The following CAP2 variants were observed in gnomAD, a reference collection of about 807,000 sequenced individuals.
CAP2 encodes adenylyl cyclase-associated protein 2.
Under a neutral mutation model 57.7 loss-of-function variants are expected in CAP2, and 24 were observed. That is an observed-to-expected ratio of 0.42 (90% CI 0.30 to 0.58). The LOEUF is 0.58. Among genes scored for constraint, CAP2 ranks in the 20% least tolerant of loss-of-function variants. The pLI is 0.22. For synonymous variants in CAP2, 194 were observed against 207.2 expected (o/e 0.94, Z 0.55); for missense variants, 501 against 590.3 (o/e 0.85, Z 1.57).
chr6:17,470,126 G>A (rs1053814943), intron 4 of CAP2, among the ~76,000 whole-genome samples: 2 of 152,110 alleles, frequency 1.3e-5, no homozygotes, highest in African/African-American at 2.4e-5. Flanking sequence ...ATCCAAATGC[G>A]AGAAAAACGA....
At chr6:17,435,090 A>G (rs1759836623) in intron 3 of CAP2, among the ~76,000 whole-genome samples, 1 of 118,250 alleles carries the variant, frequency 8.5e-6, no homozygotes, top group Admixed American at 9.8e-5. Context: ...GTGGGACTGT[A>G]AACTAGTTCA....
intron 7 of CAP2, among the ~76,000 whole-genome samples, chr6:17,525,585 C>T (rs1224716056): frequency 6.6e-6 from 1 of 152,188 alleles, no homozygotes; most frequent in Non-Finnish European, 1.5e-5. Context: ...CTTATACTCT[C>T]CATTTCTTTT....
chr6:17,398,348 T>C (rs1055049843), intron 1 of CAP2, among the ~76,000 whole-genome samples: 12 of 152,134 alleles, frequency 7.9e-5, no homozygotes, highest in Non-Finnish European at 1.5e-5. Flanking sequence ...CTGATAACAA[T>C]GAGCCTTGGG....
chr6:17,498,702 C>A (rs1052154852), intron 4 of CAP2, among the ~76,000 whole-genome samples: 8 of 151,914 alleles, frequency 5.3e-5, no homozygotes, highest in Admixed American at 4.6e-4. Context: ...TCTAAAATAG[C>A]TTGTTTTATT....
chr6:17,474,351 G>A (rs564615887), intron 4 of CAP2, among the ~76,000 whole-genome samples: 4 of 151,658 alleles, frequency 2.6e-5, no homozygotes, highest in African/African-American at 9.7e-5. Context: ...TCAGGTTTTG[G>A]TTCATCCACT....
At position 17,410,572 on chromosome 6, in the gene CAP2, A is replaced by AT. The variant is rs778249461; in HGVS notation, c.-1-10968dup. The stretch of plus-strand genomic sequence containing the variant: ...AGAACAGCAAAGTTACTCAGATTTA[A>AT]TTTTTTTTTTTTTTTGAGACGGAGT... On this transcript the variant is annotated intron_variant, in intron 1 of 12. Transcript: ENST00000229922. Among the ~76,000 whole-genome samples the AT allele has an allele frequency of 3.7e-3, 532 of 143,850 alleles. 4 individuals carry two copies. Among genetic ancestry groups the AT allele is most frequent in the African/African-American group, 5.0e-3 (199 of 39,502 alleles). The allele number at this position is 143,850 out of a possible 152,430, so 94.4% of individuals were successfully genotyped here. A position where few individuals can be genotyped will look rare whatever the true frequency, so the allele number is the denominator to read the frequency against.
chr6:17,431,639 A>G (rs1285879639), intron 3 of CAP2, among the ~76,000 whole-genome samples: 3 of 152,196 alleles, frequency 2.0e-5, no homozygotes, highest in Non-Finnish European at 4.4e-5. Flanking sequence ...AAAGAGTGGC[A>G]AAATGAGAAG....
chr6:17,548,033 A>G (rs1763090955), intron 11 of CAP2, among the ~76,000 whole-genome samples: 2 of 152,082 alleles, frequency 1.3e-5, no homozygotes, highest in Admixed American at 1.3e-4. Context: ...TGAACATGCA[A>G]AAATCAATAG....
At chr6:17,403,708 T>C (rs1032232012) in intron 1 of CAP2, among the ~76,000 whole-genome samples, 2 of 152,120 alleles carry the variant, frequency 1.3e-5, no homozygotes, top group African/African-American at 4.8e-5. Context: ...ATAAAATATG[T>C]AAAATTAAGA....
intron 1 of CAP2, among the ~76,000 whole-genome samples, chr6:17,408,660 C>CT (rs35571407): frequency 0.08 from 9,644 of 120,380 alleles, 1,129 homozygotes; most frequent in African/African-American, 0.22. Flanking sequence ...TGATAGCCTC[C>CT]TTTTTTTTTT....
chr6:17,505,709 T>C (rs1370242303), intron 4 of CAP2, among the ~76,000 whole-genome samples: 2 of 152,172 alleles, frequency 1.3e-5, no homozygotes, highest in Admixed American at 1.3e-4. Context: ...TGCTGTTTCT[T>C]TGGAGCACAC....
chr6:17,474,869 C>T lies in CAP2; in HGVS notation c.300+11796C>T, dbSNP rs571045957. Among the ~76,000 whole-genome samples the T allele has an allele frequency of 3.9e-5, 6 of 152,138 alleles. No individual in the cohort carries two copies. In the East Asian group the frequency reaches 5.8e-4, roughly 15 times the overall value. On this transcript the variant is annotated intron_variant, in intron 4 of 12. Transcript: ENST00000229922. ...GCCAAGTTTGATGAGAAGAGAGGCT[C>T]GGGTTCCGAGTCACTTGTTTTGTTT...
chr6:17,417,156 A>G (rs1374800796), intron 1 of CAP2, among the ~76,000 whole-genome samples: 1 of 150,726 alleles, frequency 6.6e-6, no homozygotes, highest in African/African-American at 2.4e-5. Flanking sequence ...AAAAAAAAAA[A>G]TGACCCAAAA....
At position 17,556,484 on chromosome 6, in the gene CAP2, T is replaced by G. The variant is rs762850221; in HGVS notation, c.*42T>G. ...ACCCCCTCACCTGAATCCCCCTCTA[T>G]CAAACAAACAAAAAAGCAGCAGTAA... On this transcript the variant is annotated 3_prime_UTR_variant, in exon 13 of 13. Coordinates refer to ENST00000229922, the MANE Select transcript of CAP2 (RefSeq NM_006366.3). The G allele has an allele frequency of 5.1e-6, 7 of 1,381,302 alleles. No individual in the cohort carries two copies. Among genetic ancestry groups the G allele is most frequent in the Non-Finnish European group, 7.2e-6 (7 of 967,680 alleles). 85.6% of individuals were successfully genotyped at this position (1,381,302 alleles called of 1,614,324 possible).
intron 3 of CAP2, among the ~76,000 whole-genome samples, chr6:17,439,886 A>G (rs1402949277): frequency 6.6e-6 from 1 of 151,454 alleles, no homozygotes; most frequent in African/African-American, 2.4e-5. Context: ...CTAACAGGCC[A>G]TGGACCAGTA....
At chr6:17,491,702 G>A (rs1457885069) in intron 4 of CAP2, among the ~76,000 whole-genome samples, 1 of 152,180 alleles carries the variant, frequency 6.6e-6, no homozygotes, top group South Asian at 2.1e-4. Flanking sequence ...CCAAATCTCA[G>A]TTCTAGCCAG....
intron 7 of CAP2, chr6:17,531,330 T>G: frequency 8.0e-7 from 1 of 1,244,832 alleles, no homozygotes; most frequent in South Asian, 1.2e-5. Flanking sequence ...TTTCAGACCT[T>G]TGGGCTCACA....
intron 1 of CAP2, among the ~76,000 whole-genome samples, chr6:17,407,264 T>C (rs979473699): frequency 6.6e-6 from 1 of 152,214 alleles, no homozygotes; most frequent in East Asian, 1.9e-4. Flanking sequence ...AGGAAGAACC[T>C]GTAGTTTTTT....
At chr6:17,483,676 A>G (rs1424973993) in intron 4 of CAP2, among the ~76,000 whole-genome samples, 1 of 152,188 alleles carries the variant, frequency 6.6e-6, no homozygotes, top group Non-Finnish European at 1.5e-5. Flanking sequence ...GCCCCTTGAT[A>G]GAGAATTCTC....
Sources: gnomAD v4.1 joint callset for allele counts (sites outside exome capture counted in the v4.1 genomes callset) on GRCh38, gnomAD v4.1.1 for gene constraint, MANE v1.5 for transcripts, NCBI Gene and HGNC (gene_info 2026-07-23, HGNC 2026-07-21) for gene names.